PRKD1: variants seen among roughly 807,000 people sequenced by gnomAD.
The protein encoded by PRKD1 is serine/threonine-protein kinase D1.
PRKD1 carries 63 observed loss-of-function variants against 95.9 expected under a neutral mutation model. That is an observed-to-expected ratio of 0.66 (90% CI 0.54 to 0.81). The LOEUF is 0.81. Among genes scored for constraint, PRKD1 ranks in the 30% least tolerant of loss-of-function variants. The probability of loss-of-function intolerance (pLI) is 0.00; values close to 1 mark genes in which losing one functional copy is unlikely to be tolerated. For missense variants in PRKD1, 1,048 were observed against 1,165.3 expected (o/e 0.90, Z 1.47); for synonymous variants, 425 against 423.1 (o/e 1.00, Z -0.05).
intron 1 of PRKD1, among the ~76,000 whole-genome samples, chr14:29,783,419 T>A (rs1259018422): frequency 6.6e-6 from 1 of 152,210 alleles, no homozygotes; most frequent in Non-Finnish European, 1.5e-5. Flanking sequence ...CTAAGTTGAT[T>A]CTATATCTTA....
At chr14:29,675,239 T>A in intron 2 of PRKD1, among the ~76,000 whole-genome samples, 1 of 152,236 alleles carries the variant, frequency 6.6e-6, no homozygotes, top group East Asian at 1.9e-4. Context: ...AAGAAAAATC[T>A]GATTTTCTGC....
intron 1 of PRKD1, among the ~76,000 whole-genome samples, chr14:29,911,560 G>C (rs551562470): frequency 7.2e-5 from 11 of 152,182 alleles, no homozygotes; most frequent in Non-Finnish European, 1.6e-4. Flanking sequence ...TTTGAATTTG[G>C]ATGAGCATAT....
At chr14:29,753,702 C>T (rs371972510) in intron 1 of PRKD1, among the ~76,000 whole-genome samples, 110 of 152,164 alleles carry the variant, frequency 7.2e-4, no homozygotes, top group African/African-American at 2.6e-3. Flanking sequence ...ACATAAATAC[C>T]AGTATGCAAC....
chr14:29,670,225 T>TA (rs998087362), intron 2 of PRKD1, among the ~76,000 whole-genome samples: 6 of 152,022 alleles, frequency 3.9e-5, no homozygotes, highest in African/African-American at 1.2e-4. Context: ...ATGTTGAAAA[T>TA]AAAAAAAGGA....
chr14:29,833,197 C>T (rs1344350812), intron 1 of PRKD1, among the ~76,000 whole-genome samples: 1 of 152,070 alleles, frequency 6.6e-6, no homozygotes, highest in Non-Finnish European at 1.5e-5. Flanking sequence ...AATGTTTATC[C>T]TGTCCCAGGT....
chr14:29,783,823 T>G (rs1331252304), intron 1 of PRKD1, among the ~76,000 whole-genome samples: 1 of 152,212 alleles, frequency 6.6e-6, no homozygotes, highest in African/African-American at 2.4e-5. Context: ...TTAGCCAACT[T>G]TTAAATGGGA....
chr14:29,621,147 A>T (rs1448951402), intron 13 of PRKD1, among the ~76,000 whole-genome samples: 9 of 142,078 alleles, frequency 6.3e-5, no homozygotes, highest in African/African-American at 2.3e-4. Context: ...AACAATGAGA[A>T]CACATGGACA....
chr14:29,591,427 G>GT (rs1566471523), intron 16 of PRKD1: 2 of 152,072 alleles, frequency 1.3e-5, no homozygotes, highest in African/African-American at 4.8e-5. Context: ...TCTATCAGCT[G>GT]TAAGTTATTT....
intron 1 of PRKD1, among the ~76,000 whole-genome samples, chr14:29,909,083 A>G (rs1594620167): frequency 6.6e-6 from 1 of 152,044 alleles, no homozygotes; most frequent in Non-Finnish European, 1.5e-5. Context: ...CGGGCCCCAC[A>G]CTCAGAGTGG....
rs552599763 is a variant in PRKD1, at chr14:29,895,295, C to T, written c.264+31954G>A. Among the ~76,000 whole-genome samples the T allele has an allele frequency of 3.6e-3, 543 of 152,160 alleles. 4 individuals are homozygous for T. Among genetic ancestry groups the T allele is most frequent in the African/African-American group, 0.012 (507 of 41,496 alleles). On this transcript the variant is annotated intron_variant, in intron 1 of 17. Coordinates refer to ENST00000331968, the MANE Select transcript of PRKD1 (RefSeq NM_002742.3). ...TCATGCCACTGCACCCCAGCCTGGGCGACAGAGTGAGACTCCATCTCAAAA... is the reference window on the plus strand; with the variant it reads ...TCATGCCACTGCACCCCAGCCTGGGTGACAGAGTGAGACTCCATCTCAAAA...
chr14:29,885,006 C>T (rs1414172630), intron 1 of PRKD1, among the ~76,000 whole-genome samples: 1 of 151,458 alleles, frequency 6.6e-6, no homozygotes, highest in Non-Finnish European at 1.5e-5. Context: ...GCCTGTAGTC[C>T]CAGCTACTCA....
At chr14:29,676,491 TTTACAGGCA>T (rs1883228775) in intron 2 of PRKD1, among the ~76,000 whole-genome samples, 1 of 152,010 alleles carries the variant, frequency 6.6e-6, no homozygotes, top group Non-Finnish European at 1.5e-5. Flanking sequence ...AATAGCTGGG[TTTACAGGCA>T]TGTGCCACCA....
At chr14:29,753,470 C>T (rs1228024112) in intron 1 of PRKD1, among the ~76,000 whole-genome samples, 7 of 152,064 alleles carry the variant, frequency 4.6e-5, no homozygotes, top group Non-Finnish European at 1.0e-4. Context: ...CTATTTGGGT[C>T]TACTTTTGAC....
intron 1 of PRKD1, among the ~76,000 whole-genome samples, chr14:29,758,695 T>C (rs1887827789): frequency 6.6e-6 from 1 of 152,216 alleles, no homozygotes; most frequent in South Asian, 2.1e-4. Context: ...TTTCAACCAT[T>C]ATTTTTAAAT....
chr14:29,590,376 T>C (rs1893085392), intron 16 of PRKD1, among the ~76,000 whole-genome samples: 1 of 152,184 alleles, frequency 6.6e-6, no homozygotes, highest in Non-Finnish European at 1.5e-5. Context: ...TTAGATAATC[T>C]ATGTGACATT....
intron 2 of PRKD1, among the ~76,000 whole-genome samples, chr14:29,721,566 A>G (rs1885897975): frequency 6.6e-6 from 1 of 152,168 alleles, no homozygotes; most frequent in Non-Finnish European, 1.5e-5. Context: ...TTTGTTTGCT[A>G]AGGCTGAATT....
chr14:29,690,673 T>C (rs1884178387), intron 2 of PRKD1, among the ~76,000 whole-genome samples: 2 of 152,216 alleles, frequency 1.3e-5, no homozygotes, highest in Admixed American at 1.3e-4. Context: ...TGACCCTTTA[T>C]GTAATCCTCC....
At chr14:29,630,055 TGCTC>T (rs772666056) in intron 10 of PRKD1, among the ~76,000 whole-genome samples, 2 of 150,204 alleles carry the variant, frequency 1.3e-5, no homozygotes, top group Non-Finnish European at 3.0e-5. Flanking sequence ...TTTTTCTTCT[TGCTC>T]TTTCTCTTCC....
At position 29,577,354 on chromosome 14, in the gene PRKD1, C is replaced by T. The variant is rs541601115; in HGVS notation, c.2623G>A (p.Glu875Lys). ...TGTGTGGGGTACTGCAGCCCCTGCT[C>T]GCCTGCATACTTCTCCCACCTCAGG... is the stretch of plus-strand genomic sequence containing the variant. Reference protein sequence around the residue: ...DDLRWEKYAGEQGLQYPTHLI... With the variant: ...DDLRWEKYAGKQGLQYPTHLI... The change falls in exon 18 of 18, where the codon GAG becomes AAG. Residue 875 changes from glutamate to lysine, a missense_variant. Physicochemically the swap from Glu to Lys is moderately conservative, Grantham distance 56. Transcript: ENST00000331968. 91 of 1,613,710 alleles carry T rather than the reference C, an allele frequency of 5.6e-5. No homozygotes were observed. Among genetic ancestry groups the T allele is most frequent in the South Asian group, 4.5e-4 (41 of 91,070 alleles).
Sources: allele counts gnomAD v4.1 joint callset (sites outside exome capture counted in the v4.1 genomes callset), GRCh38; gene constraint gnomAD v4.1.1; transcripts MANE v1.5; gene names NCBI Gene and HGNC (gene_info 2026-07-23, HGNC 2026-07-21).